The following SLC39A10 variants were observed in gnomAD, a reference collection of about 807,000 sequenced individuals.
The protein encoded by SLC39A10 is solute carrier family 39 member 10.
In SLC39A10, 13 loss-of-function variants were observed where a neutral mutation model predicts 65.1. The observed-to-expected ratio is 0.20, with a 90% CI of 0.13 to 0.32. SLC39A10 has a LOEUF of 0.32. Ranked by LOEUF, SLC39A10 falls within the 10% of genes least tolerant of loss-of-function variation. SLC39A10 has a pLI of 1.00. For synonymous variants in SLC39A10, 321 were observed against 342.2 expected (o/e 0.94, Z 0.68); for missense variants, 831 against 1,018.4 (o/e 0.82, Z 2.50).
At chr2:195,656,455 C>T (rs1017640846), upstream of SLC39A10, among the ~76,000 whole-genome samples, 9 of 152,016 alleles carry the variant, frequency 5.9e-5, no homozygotes, top group African/African-American at 2.2e-4. Context: ...AAGAAATAGT[C>T]GATCAGTTGA....
Position 195,680,958 on chromosome 2 carries a change from C to T in SLC39A10, c.916C>T (p.Arg306Ter). ...DLDPDNEGELRHTRKREAPHV... is the reference protein window; with the variant it reads ...DLDPDNEGEL Reference sequence around the variant, plus strand: ...TGATCCTGATAATGAAGGTGAACTTCGACATACTAGAAAGAGAGAAGCACC... The same window carrying T: ...TGATCCTGATAATGAAGGTGAACTTTGACATACTAGAAAGAGAGAAGCACC... The change falls in exon 2 of 10, where the codon CGA becomes TGA. Residue 306 changes from arginine to a stop codon, truncating the protein, a stop_gained. Coordinates refer to ENST00000359634, the MANE Select transcript of SLC39A10 (RefSeq NM_020342.3). LOFTEE classifies it high-confidence loss of function. 6.2e-7 allele frequency: 1 copy of T among 1,613,810 alleles called. No individual in the cohort carries two copies. Among genetic ancestry groups the T allele is most frequent in the Non-Finnish European group, 8.5e-7 (1 of 1,179,968 alleles).
intron 1 of SLC39A10, among the ~76,000 whole-genome samples, chr2:195,679,147 G>C (rs999955979): frequency 2.0e-5 from 3 of 152,190 alleles, no homozygotes; most frequent in African/African-American, 7.2e-5. Flanking sequence ...GTGACTAGTG[G>C]TGGCTACCAT....
intron 3 of SLC39A10, among the ~76,000 whole-genome samples, chr2:195,700,418 G>T (rs886406466): frequency 2.0e-5 from 3 of 152,018 alleles, no homozygotes; most frequent in African/African-American, 7.2e-5. Flanking sequence ...TTATTATGGG[G>T]ATTACGTTTA....
At chr2:195,704,598 T>G (rs906321215) in intron 3 of SLC39A10, among the ~76,000 whole-genome samples, 6 of 152,230 alleles carry the variant, frequency 3.9e-5, no homozygotes, top group African/African-American at 1.4e-4. Context: ...CCACTGATTT[T>G]ATTTTTCCTG....
In SLC39A10 at chr2:195,708,703, A is replaced by G. The variant is rs762208056; in HGVS notation, c.1434A>G (p.Gly478=). Residue 478 remains glycine (G), a synonymous_variant, in exon 5 of 10, where the codon GGA becomes GGG. Coordinates refer to ENST00000359634, the MANE Select transcript of SLC39A10 (RefSeq NM_020342.3). ...DHSHQHAHGH[G]HSHGHESNKF... Reference sequence around the variant, plus strand: ...GTCACCAACATGCACATGGGCATGGACATTCTCATGGACATGAATCTAACA... The same window carrying G: ...GTCACCAACATGCACATGGGCATGGGCATTCTCATGGACATGAATCTAACA... 1 of 1,612,644 alleles carries G rather than the reference A, an allele frequency of 6.2e-7. No homozygotes were observed. Among genetic ancestry groups the G allele is most frequent in the South Asian group, 1.1e-5 (1 of 90,694 alleles).
In SLC39A10 at chr2:195,680,703, C is replaced by T; in HGVS notation, c.661C>T (p.Gln221Ter). 6.2e-7 allele frequency: 1 copy of T among 1,613,934 alleles called. No homozygotes were observed. The highest frequency in any genetic ancestry group is 8.5e-7 in the Non-Finnish European group (1 of 1,180,010). The part of the protein sequence containing the change: ...NEPSTETNKT[Q>*]EQSDVKLPKG... ...ACCTTCAACAGAGACCAATAAAACC[C>T]AGGAACAATCTGATGTTAAACTACC... Residue 221 changes from glutamine (Q) to a stop codon, truncating the protein, a stop_gained, in exon 2 of 10, where the codon CAG (glutamine) becomes TAG (stop). Coordinates refer to ENST00000359634, the MANE Select transcript of SLC39A10 (RefSeq NM_020342.3). LOFTEE classifies it high-confidence loss of function.
chr2:195,652,201 T>C (rs1689046305), upstream of SLC39A10, among the ~76,000 whole-genome samples: 1 of 152,032 alleles, frequency 6.6e-6, no homozygotes, highest in South Asian at 2.1e-4. Flanking sequence ...TGAGGGAGTG[T>C]CTGGGTTAAG....
intron 1 of SLC39A10, chr2:195,670,410 T>A (rs967049642): frequency 2.0e-5 from 3 of 152,308 alleles, no homozygotes; most frequent in Non-Finnish European, 2.9e-5. Context: ...ATGTTATCTT[T>A]GTGCAGGGGC....
chr2:195,681,127 A>T, intron 2 of SLC39A10, 77 bp downstream of exon 2: 1 of 1,363,156 alleles, frequency 7.3e-7, no homozygotes, highest in Non-Finnish European at 1.0e-6. Flanking sequence ...CAGGATAAGT[A>T]ACAGTGGAGT....
chr2:195,659,968 A>T (rs903096292), intron 1 of SLC39A10, among the ~76,000 whole-genome samples: 1 of 152,054 alleles, frequency 6.6e-6, no homozygotes, highest in Non-Finnish European at 1.5e-5. Context: ...TATAATACTC[A>T]TGGATTTATT....
At chr2:195,669,372 T>C (rs1334420138) in intron 1 of SLC39A10, among the ~76,000 whole-genome samples, 1 of 152,220 alleles carries the variant, frequency 6.6e-6, no homozygotes, top group Non-Finnish European at 1.5e-5. Context: ...AGCCCCTGTC[T>C]TTCAAGTCAG....
chr2:195,634,872 AC>A (rs1688665315), intron 2 of SLC39A10, among the ~76,000 whole-genome samples: 1 of 152,076 alleles, frequency 6.6e-6, no homozygotes. Context: ...ACATGGTGCA[AC>A]CCTGTCTCTA....
intron 3 of SLC39A10, among the ~76,000 whole-genome samples, chr2:195,705,149 A>AT (rs1485319306): frequency 6.6e-6 from 1 of 152,174 alleles, no homozygotes; most frequent in African/African-American, 2.4e-5. Context: ...TTTTTGTAAT[A>AT]AATATGATCC....
At position 195,674,247 on chromosome 2, in the gene SLC39A10, CATA is replaced by C. The variant is rs549946197; in HGVS notation, c.-11-5782_-11-5780del. Among the ~76,000 whole-genome samples, 344 of 152,160 alleles carry C rather than the reference CATA, an allele frequency of 2.3e-3. 3 individuals are homozygous for C. Among genetic ancestry groups the C allele is most frequent in the African/African-American group, 8.0e-3 (331 of 41,500 alleles). Reference sequence around the variant, plus strand: ...TGAGCATTTAGGTTGTAGCAGGCAACATAATGGTTACACAGCTGACCACTTTTC... The same window carrying C: ...TGAGCATTTAGGTTGTAGCAGGCAACATGGTTACACAGCTGACCACTTTTC... On this transcript the variant is annotated intron_variant, in intron 1 of 9. Transcript: ENST00000359634.
At chr2:195,731,973 C>T (rs141090540) in intron 9 of SLC39A10, among the ~76,000 whole-genome samples, 2 of 152,186 alleles carry the variant, frequency 1.3e-5, no homozygotes, top group African/African-American at 4.8e-5. Context: ...TTTATAATGT[C>T]ACAATTATAT....
chr2:195,625,579 A>C (rs1450379840), intron 2 of SLC39A10, among the ~76,000 whole-genome samples: 1 of 152,026 alleles, frequency 6.6e-6, no homozygotes, highest in Non-Finnish European at 1.5e-5. Flanking sequence ...GCCCAGCCTG[A>C]CAACTTATTT....
chr2:195,712,719 AG>A (rs2105819707), intron 5 of SLC39A10, among the ~76,000 whole-genome samples: 1 of 152,356 alleles, frequency 6.6e-6, no homozygotes, highest in South Asian at 2.1e-4. Flanking sequence ...ACATACAGTA[AG>A]AAAAATTTAA....
rs1422975671 is a variant in SLC39A10, at chr2:195,695,232, T to C, written c.1216+11326T>C. 2.0e-5 allele frequency among the ~76,000 whole-genome samples: 3 copies of C among 152,272 alleles called. No homozygotes were observed. In the East Asian group the frequency reaches 5.8e-4, roughly 29 times the overall value. The stretch of plus-strand genomic sequence containing the variant: ...AAAGACCACCAGGTTGGGGTAGAGA[T>C]AGGCATGGCTGAGCTCAGACTCTCC... On this transcript the variant is annotated intron_variant, in intron 3 of 9. Transcript: ENST00000359634.
intron 2 of SLC39A10, among the ~76,000 whole-genome samples, chr2:195,624,411 AG>A (rs71015710): frequency 6.7e-6 from 1 of 150,068 alleles, no homozygotes; most frequent in African/African-American, 2.5e-5. Context: ...AAAAAAAAAA[AG>A]GAAGAAGGCC....
Sources: allele counts gnomAD v4.1 joint callset (sites outside exome capture counted in the v4.1 genomes callset), GRCh38; gene constraint gnomAD v4.1.1; transcripts MANE v1.5; gene names NCBI Gene and HGNC (gene_info 2026-07-23, HGNC 2026-07-21).